Variants in PTPRN2 observed in about 807,000 individuals in gnomAD.
The protein encoded by PTPRN2 is receptor-type tyrosine-protein phosphatase N2.
PTPRN2 carries 74 observed loss-of-function variants against 118.8 expected under a neutral mutation model. That is an observed-to-expected ratio of 0.62 (90% CI 0.52 to 0.76). The LOEUF (loss-of-function observed/expected upper bound fraction) is 0.76, where lower values mean the gene tolerates loss of function less well. Among genes scored for constraint, PTPRN2 ranks in the 30% least tolerant of loss-of-function variants. The probability of loss-of-function intolerance (pLI) is 0.00; values close to 1 mark genes in which losing one functional copy is unlikely to be tolerated. For synonymous variants in PTPRN2, 641 were observed against 608.0 expected (o/e 1.05, Z -0.80); for missense variants, 1,481 against 1,394.4 (o/e 1.06, Z -0.99).
chr7:157,863,599 G>A (rs370194952), intron 12 of PTPRN2: 1 of 152,230 alleles, frequency 6.6e-6, no homozygotes, highest in South Asian at 2.1e-4. Flanking sequence ...AAAAACTGCA[G>A]CGTGGTTCAC....
At chr7:158,279,284 C>T (rs535384233) in intron 3 of PTPRN2, among the ~76,000 whole-genome samples, 1 of 152,304 alleles carries the variant, frequency 6.6e-6, no homozygotes, top group South Asian at 2.1e-4. Context: ...ACACAGAGTG[C>T]TGATTTGTGC....
chr7:158,460,313 G>A (rs1259865437), intron 2 of PTPRN2, among the ~76,000 whole-genome samples: 1 of 145,598 alleles, frequency 6.9e-6, no homozygotes, highest in Admixed American at 6.8e-5. Flanking sequence ...CTGCTACAGG[G>A]TCTGTGTGCC....
chr7:158,146,912 C>A (rs980702301), intron 6 of PTPRN2, among the ~76,000 whole-genome samples: 3 of 151,802 alleles, frequency 2.0e-5, no homozygotes, highest in Non-Finnish European at 4.4e-5. Context: ...TGTGAAGAGA[C>A]TGAATGACAC....
At chr7:157,599,890 C>T (rs1445230551) in intron 16 of PTPRN2, among the ~76,000 whole-genome samples, 13 of 125,160 alleles carry the variant, frequency 1.0e-4, no homozygotes, top group South Asian at 7.8e-4. Flanking sequence ...TCCACCTGCC[C>T]ACCTCTCCAC....
intron 12 of PTPRN2, among the ~76,000 whole-genome samples, chr7:157,895,115 C>T (rs62478069): frequency 0.11 from 17,353 of 151,814 alleles, 1,331 homozygotes; most frequent in Admixed American, 0.23. Flanking sequence ...GACTAGGAAA[C>T]GGCCAGAGGG....
intron 2 of PTPRN2, among the ~76,000 whole-genome samples, chr7:158,406,906 A>G (rs897903712): frequency 6.6e-6 from 1 of 152,204 alleles, no homozygotes; most frequent in Non-Finnish European, 1.5e-5. Context: ...ATCTCTCAAC[A>G]TGGAATCAGG....
At chr7:158,112,449 G>A (rs1585477845) in intron 9 of PTPRN2, among the ~76,000 whole-genome samples, 1 of 152,206 alleles carries the variant, frequency 6.6e-6, no homozygotes. Flanking sequence ...GGAGACGAGT[G>A]CAGGAGGCCG....
rs955928716 is a variant in PTPRN2 at position 157,977,187 on chromosome 7, G to A, written c.1724-78450C>T. On this transcript the variant is annotated intron_variant, in intron 11 of 22. Transcript: ENST00000389418. This position sits in a 1 kb window ranked among gnomAD's most constrained non-coding sequence, Gnocchi z 4.6. ...AGCACACCTGTAGAGAGCCTATTGC[G>A]TACAGGTGCCGTTCCAGCACCGGGG... Among the ~76,000 whole-genome samples the A allele has an allele frequency of 1.3e-5, 2 of 151,854 alleles. No individual in the cohort carries two copies. Among genetic ancestry groups the A allele is most frequent in the African/African-American group, 2.4e-5 (1 of 41,394 alleles).
At chr7:158,226,866 T>G (rs982807367) in intron 3 of PTPRN2, among the ~76,000 whole-genome samples, 2 of 151,976 alleles carry the variant, frequency 1.3e-5, no homozygotes, top group African/African-American at 4.8e-5. Context: ...ACCCTAAAAC[T>G]CTCTCAGGGT....
intron 2 of PTPRN2, among the ~76,000 whole-genome samples, chr7:158,363,797 G>A (rs1191726232): frequency 3.3e-5 from 5 of 152,198 alleles, no homozygotes; most frequent in African/African-American, 1.2e-4. Flanking sequence ...CAGTGTCTGG[G>A]TCTCCACGGA....
At chr7:158,428,434 G>A (rs1182162237) in intron 2 of PTPRN2, among the ~76,000 whole-genome samples, 1 of 152,172 alleles carries the variant, frequency 6.6e-6, no homozygotes, top group African/African-American at 2.4e-5. Context: ...CTGCAAAGGA[G>A]AAAACTAAAA....
intron 1 of PTPRN2, among the ~76,000 whole-genome samples, chr7:158,515,086 T>A (rs1015170923): frequency 6.6e-6 from 1 of 152,158 alleles, no homozygotes; most frequent in African/African-American, 2.4e-5. Flanking sequence ...AGAACAAGGT[T>A]GCACTATGGC....
At chr7:158,398,401 C>T (rs1242309582) in intron 2 of PTPRN2, among the ~76,000 whole-genome samples, 1 of 152,216 alleles carries the variant, frequency 6.6e-6, no homozygotes, top group Non-Finnish European at 1.5e-5. Flanking sequence ...ACTGTTGCCT[C>T]ACCTGGTCAC....
rs189470629 is a variant in PTPRN2 at position 157,800,884 on chromosome 7, G to A, written c.1788+97789C>T. Among the ~76,000 whole-genome samples the A allele has an allele frequency of 4.7e-3, 719 of 151,660 alleles. 1 individual carries two copies. The highest frequency in any genetic ancestry group is 8.2e-3 in the Admixed American group (125 of 15,230). On this transcript the variant is annotated intron_variant, in intron 12 of 22. Transcript: ENST00000389418. The stretch of plus-strand genomic sequence containing the variant: ...GGAGAATGGCGTGAACCCGGGAGGC[G>A]GAGCTTGCAGTGAGCCGAGATCGCA...
At chr7:158,146,898 A>C (rs550088958) in intron 6 of PTPRN2, among the ~76,000 whole-genome samples, 3 of 152,022 alleles carry the variant, frequency 2.0e-5, no homozygotes, top group African/African-American at 7.2e-5. Context: ...CACCATTAAG[A>C]TCCTGTGAAG....
intron 3 of PTPRN2, among the ~76,000 whole-genome samples, chr7:158,236,260 C>T (rs1829534268): frequency 6.6e-6 from 1 of 152,178 alleles, no homozygotes; most frequent in African/African-American, 2.4e-5. Flanking sequence ...TACGTGGTGC[C>T]TGCCACACAG....
chr7:158,061,088 C>T (rs935703561), intron 11 of PTPRN2, among the ~76,000 whole-genome samples: 57 of 152,340 alleles, frequency 3.7e-4, no homozygotes, highest in Middle Eastern at 3.4e-3. Context: ...CTGAGCCAGG[C>T]GGCTTTGTCC....
chr7:158,465,367 C>G (rs73729628), intron 2 of PTPRN2, among the ~76,000 whole-genome samples: 37 of 152,270 alleles, frequency 2.4e-4, no homozygotes, highest in African/African-American at 8.9e-4. Context: ...ATACCACACC[C>G]CTTACTCCCT....
intron 2 of PTPRN2, among the ~76,000 whole-genome samples, chr7:158,414,283 AG>A (rs1814458009): frequency 6.6e-6 from 1 of 152,136 alleles, no homozygotes; most frequent in South Asian, 2.1e-4. Context: ...CATGAGGTTA[AG>A]ACAAAGGGGC....
Sources: allele counts gnomAD v4.1 joint callset (sites outside exome capture counted in the v4.1 genomes callset), GRCh38; gene constraint gnomAD v4.1.1; non-coding constraint Gnocchi (gnomAD v3.1); transcripts MANE v1.5; gene names NCBI Gene and HGNC (gene_info 2026-07-23, HGNC 2026-07-21).